TEKT1: variants seen among roughly 807,000 people sequenced by gnomAD.
TEKT1 encodes tektin-1.
TEKT1 carries 32 observed loss-of-function variants against 34.8 expected under a neutral mutation model. That is an observed-to-expected ratio of 0.92 (90% CI 0.69 to 1.23). The LOEUF (loss-of-function observed/expected upper bound fraction) is 1.23. TEKT1 is among the 50% of genes most tolerant of loss of function. TEKT1 has a pLI of 0.00. For missense variants in TEKT1, 492 were observed against 518.5 expected (o/e 0.95, Z 0.50); for synonymous variants, 207 against 199.8 (o/e 1.04, Z -0.30).
intron 7 of TEKT1, 143 bp from the exon 8 acceptor site, chr17:6,800,377 C>G: frequency 1.5e-6 from 1 of 682,250 alleles, no homozygotes; most frequent in Non-Finnish European, 2.4e-6. Flanking sequence ...AGACAGAGAT[C>G]TCACTAATTT....
chr17:6,800,750 G>A lies in TEKT1; in HGVS notation c.1046C>T (p.Ala349Val). The part of the protein sequence containing the change: ...KEVQEITHNV[A>V]RLKETLAQAQ... ...TGCCCACTGGCTGCTAGCCTACCTT[G>A]CGACATTGTGGGTGATCTCTTGAAC... Residue 349 changes from alanine (A) to valine (V), a missense_variant, in exon 7 of 8, where the codon GCA becomes GTA. Coordinates refer to ENST00000338694, the MANE Select transcript of TEKT1 (RefSeq NM_053285.2). The A allele has an allele frequency of 6.2e-7, 1 of 1,610,970 alleles. No homozygotes were observed. Among genetic ancestry groups the A allele is most frequent in the Non-Finnish European group, 8.5e-7 (1 of 1,178,054 alleles).
At chr17:6,826,666 AGAT>A (rs1904406297) in intron 2 of TEKT1, among the ~76,000 whole-genome samples, 1 of 139,806 alleles carries the variant, frequency 7.2e-6, no homozygotes, top group Admixed American at 7.2e-5. Context: ...ATAGATAGAT[AGAT>A]AATACGAGGT....
intron 3 of TEKT1, 54 bp downstream of exon 3, chr17:6,819,139 C>A: frequency 6.3e-6 from 10 of 1,577,600 alleles, no homozygotes; most frequent in Non-Finnish European, 8.6e-6. Flanking sequence ...CATTTACTAC[C>A]CAGCATCTCA....
intron 5 of TEKT1, chr17:6,814,921 G>C (rs1666063849): frequency 4.4e-6 from 2 of 453,488 alleles, no homozygotes; most frequent in Non-Finnish European, 7.7e-6. Flanking sequence ...ATAGATGAAG[G>C]AATAAAATGT....
chr17:6,800,207 C>A lies in TEKT1; in HGVS notation c.1077G>T (p.Gln359His), dbSNP rs1478905617. 2.5e-6 allele frequency: 4 copies of A among 1,614,072 alleles called. No homozygotes were observed. Among genetic ancestry groups the A allele is most frequent in the Non-Finnish European group, 8.5e-7 (1 of 1,180,002 alleles). Residue 359 changes from glutamine (Q) to histidine (H), a missense_variant, in exon 8 of 8, where the codon CAG (glutamine) becomes CAT (histidine). Physicochemically the swap from Gln to His is conservative, Grantham distance 24. Coordinates refer to ENST00000338694, the MANE Select transcript of TEKT1 (RefSeq NM_053285.2). ...TGCGATGCAGCCCTTTCAGCTCTGC[C>A]TGAGCTTGGGCTAAAGTTTCCTTCA... is the stretch of plus-strand genomic sequence containing the variant. ...ARLKETLAQA[Q>H]AELKGLHRRQ...
At chr17:6,825,977 A>T (rs1904385978) in intron 2 of TEKT1, among the ~76,000 whole-genome samples, 1 of 152,222 alleles carries the variant, frequency 6.6e-6, no homozygotes. Flanking sequence ...TAGAATAACC[A>T]GGTGAAAAGT....
intron 6 of TEKT1, among the ~76,000 whole-genome samples, chr17:6,806,165 T>A (rs1976841624): frequency 6.6e-6 from 1 of 152,234 alleles, no homozygotes; most frequent in Admixed American, 6.5e-5. Context: ...ATTGACTGCA[T>A]ATATATTTAG....
chr17:6,814,994 A>G (rs1179256368), intron 5 of TEKT1, 169 bp downstream of exon 5: 10 of 728,354 alleles, frequency 1.4e-5, no homozygotes, highest in Non-Finnish European at 2.3e-5. Context: ...CCTAACCTGG[A>G]GAATCAGGAG....
chr17:6,824,037 T>A (rs1391019685), intron 2 of TEKT1, among the ~76,000 whole-genome samples: 1 of 152,082 alleles, frequency 6.6e-6, no homozygotes, highest in Non-Finnish European at 1.5e-5. Context: ...TTAGCCAGGA[T>A]GGTCTTGATC....
rs763372744 is a variant in TEKT1 at position 6,800,112 on chromosome 17, A to C, written c.1172T>G (p.Met391Arg). The part of the protein sequence containing the change: ...NTIYIDEVLC[M>R]QMRKSIPLRD... ...AAGTGGGATGGATTTCCTCATCTGC[A>C]TACACAGCACTTCGTCGATATAAAT... Residue 391 changes from methionine to arginine, a missense_variant, in exon 8 of 8, where the codon ATG becomes AGG. Coordinates refer to ENST00000338694, the MANE Select transcript of TEKT1 (RefSeq NM_053285.2). 27 of 1,613,952 alleles carry C rather than the reference A, an allele frequency of 1.7e-5. No homozygotes were observed.
At position 6,798,443 on chromosome 17, in the gene TEKT1, G is replaced by A. The variant is rs979409615; in HGVS notation, c.*1584C>T. On this transcript the variant is annotated 3_prime_UTR_variant, in exon 8 of 8. Transcript: ENST00000338694. Reference sequence around the variant, plus strand: ...GCAGAAACTCTGAGGTCTGCCCAGTGAGCTGGGAAGGCTTATTTGGACTCT... The same window carrying A: ...GCAGAAACTCTGAGGTCTGCCCAGTAAGCTGGGAAGGCTTATTTGGACTCT... 2.0e-5 allele frequency: 3 copies of A among 152,248 alleles called. No individual in the cohort carries two copies. Among genetic ancestry groups the A allele is most frequent in the African/African-American group, 7.2e-5 (3 of 41,454 alleles). 9.4% of individuals were successfully genotyped at this position (152,248 alleles called of 1,614,324 possible).
intron 2 of TEKT1, among the ~76,000 whole-genome samples, chr17:6,826,846 C>A (rs1904419074): frequency 6.6e-6 from 1 of 151,960 alleles, no homozygotes; most frequent in Non-Finnish European, 1.5e-5. Flanking sequence ...CAGGCACCCG[C>A]CACCACGCCC....
chr17:6,808,686 A>G (rs1976884732), intron 6 of TEKT1, among the ~76,000 whole-genome samples: 1 of 152,206 alleles, frequency 6.6e-6, no homozygotes, highest in Non-Finnish European at 1.5e-5. Context: ...CAAATTAGTA[A>G]AAAAAGATGA....
chr17:6,809,623 C>T (rs1437411401), intron 6 of TEKT1, among the ~76,000 whole-genome samples: 1 of 152,192 alleles, frequency 6.6e-6, no homozygotes, highest in African/African-American at 2.4e-5. Context: ...CACCCCTGGG[C>T]TGCTTCCATT....
rs986222751 is a variant in TEKT1 at position 6,798,908 on chromosome 17, A to G, written c.*1119T>C. 7 of 152,280 alleles carry G rather than the reference A, an allele frequency of 4.6e-5. No individual in the cohort carries two copies. Among genetic ancestry groups the G allele is most frequent in the Middle Eastern group, 3.2e-3 (1 of 316 alleles). 9.4% of individuals were successfully genotyped at this position (152,280 alleles called of 1,614,324 possible). A position where few individuals can be genotyped will look rare whatever the true frequency, so the allele number is the denominator to read the frequency against. On this transcript the variant is annotated 3_prime_UTR_variant, in exon 8 of 8. Coordinates refer to ENST00000338694, the MANE Select transcript of TEKT1 (RefSeq NM_053285.2). ...AAACTTTCCTGGCAGTGTTGCAACT[A>G]GAAGCTAGGTCTCCTGAGCCCCACA...
intron 5 of TEKT1, 142 bp downstream of exon 5, chr17:6,815,021 C>G: frequency 3.9e-6 from 4 of 1,015,754 alleles, no homozygotes; most frequent in Non-Finnish European, 4.4e-6. Flanking sequence ...GGCCCAATGT[C>G]AAGGTCACCA....
At chr17:6,808,235 C>T (rs1017894979) in intron 6 of TEKT1, among the ~76,000 whole-genome samples, 3 of 152,190 alleles carry the variant, frequency 2.0e-5, no homozygotes, top group East Asian at 1.9e-4. Context: ...TAGCAGTGAG[C>T]GAGGCTCCGT....
chr17:6,806,899 C>T (rs986063565), intron 6 of TEKT1, among the ~76,000 whole-genome samples: 6 of 152,158 alleles, frequency 3.9e-5, no homozygotes, highest in Non-Finnish European at 7.3e-5. Context: ...CTGCCCTTAA[C>T]ATTTTTTCCT....
chr17:6,826,599 G>A (rs770467170), intron 2 of TEKT1, among the ~76,000 whole-genome samples: 25 of 149,746 alleles, frequency 1.7e-4, no homozygotes, highest in Non-Finnish European at 3.0e-4. Context: ...ATTTAGATAT[G>A]CACTCCACTT....
Sources: gnomAD v4.1 joint callset for allele counts (sites outside exome capture counted in the v4.1 genomes callset) on GRCh38, gnomAD v4.1.1 for gene constraint, MANE v1.5 for transcripts, NCBI Gene and HGNC (gene_info 2026-07-23, HGNC 2026-07-21) for gene names.